The following BLK variants were observed in gnomAD, a reference collection of about 807,000 sequenced individuals.
BLK encodes tyrosine-protein kinase Blk.
In BLK, 64 loss-of-function variants were observed where a neutral mutation model predicts 61.8. The ratio of observed to expected loss-of-function variants is 1.03; its 90% CI spans 0.85 to 1.27. The LOEUF is 1.27. Ranked by LOEUF, BLK falls within the 50% of genes most tolerant of loss-of-function variation. BLK has a pLI of 0.00. For synonymous variants in BLK, 351 were observed against 272.0 expected (o/e 1.29, Z -2.86); for missense variants, 853 against 660.5 (o/e 1.29, Z -3.19).
At chr8:11,508,137 A>G (rs528488044) in intron 1 of BLK, among the ~76,000 whole-genome samples, 105 of 152,334 alleles carry the variant, frequency 6.9e-4, no homozygotes, top group African/African-American at 2.3e-3. Context: ...GTGCAGGCTC[A>G]GGACTGTTTG....
At chr8:11,550,741 G>T (rs1800862901) in intron 6 of BLK, among the ~76,000 whole-genome samples, 1 of 152,260 alleles carries the variant, frequency 6.6e-6, no homozygotes, top group Admixed American at 6.5e-5. Flanking sequence ...TGCCAGTCTA[G>T]ACACTCATGA....
intron 1 of BLK, among the ~76,000 whole-genome samples, chr8:11,496,259 A>G (rs1205948690): frequency 1.3e-5 from 2 of 152,026 alleles, no homozygotes; most frequent in Non-Finnish European, 2.9e-5. Context: ...TTTTTCAGAG[A>G]TGGGGTCTTG....
At chr8:11,524,197 T>A (rs981687724) in intron 1 of BLK, among the ~76,000 whole-genome samples, 1 of 152,238 alleles carries the variant, frequency 6.6e-6, no homozygotes, top group African/African-American at 2.4e-5. Flanking sequence ...TATTTATATA[T>A]AATTTATACT....
chr8:11,523,410 G>A (rs866760818), intron 1 of BLK, among the ~76,000 whole-genome samples: 2 of 151,960 alleles, frequency 1.3e-5, no homozygotes, highest in Admixed American at 6.5e-5. Context: ...AAAAATTAGC[G>A]AGCATGGTGG....
chr8:11,539,425 T>C (rs1220046269), intron 1 of BLK, among the ~76,000 whole-genome samples: 1 of 152,190 alleles, frequency 6.6e-6, no homozygotes, highest in East Asian at 1.9e-4. Context: ...GCAGTTACAT[T>C]GTTGTTTTCT....
chr8:11,495,809 T>C (rs1002721231), intron 1 of BLK, among the ~76,000 whole-genome samples: 5 of 152,184 alleles, frequency 3.3e-5, no homozygotes, highest in Non-Finnish European at 5.9e-5. Context: ...CTCGCTAATA[T>C]TGTGGTAACA....
chr8:11,496,612 C>T (rs931143226), intron 1 of BLK, among the ~76,000 whole-genome samples: 2 of 152,180 alleles, frequency 1.3e-5, no homozygotes, highest in Admixed American at 6.5e-5. Context: ...ATCTGCCCAG[C>T]GAAGCTCACT....
intron 1 of BLK, among the ~76,000 whole-genome samples, chr8:11,533,873 G>A (rs1800002791): frequency 6.6e-6 from 1 of 152,232 alleles, no homozygotes. Flanking sequence ...TCATTTCATG[G>A]AGAGACAAGA....
chr8:11,511,664 A>T (rs1320356537), intron 1 of BLK, among the ~76,000 whole-genome samples: 2 of 152,148 alleles, frequency 1.3e-5, no homozygotes, highest in African/African-American at 4.8e-5. Flanking sequence ...TATTGTTGAA[A>T]ACTAGCAGTC....
chr8:11,556,838 GT>G lies in BLK; in HGVS notation c.952+2del. 6.2e-7 allele frequency: 1 copy of G among 1,613,868 alleles called. No individual in the cohort carries two copies. Among genetic ancestry groups the G allele is most frequent in the Middle Eastern group, 1.7e-4 (1 of 6,038 alleles). On this transcript the variant is annotated splice_donor_variant, in intron 9 of 12. Transcript: ENST00000259089. LOFTEE classifies it high-confidence loss of function. The stretch of plus-strand genomic sequence containing the variant: ...ATTGTCACCGAGTACATGGCCAGAG[GT>G]GGTGCCCCCCGCAGAGCCGCATCCT...
At chr8:11,543,194 T>A in intron 1 of BLK, 30 bp from the exon 2 acceptor site, 1 of 1,613,270 alleles carries the variant, frequency 6.2e-7, no homozygotes, top group East Asian at 2.2e-5. Context: ...CGCTCTCTCA[T>A]GTCCTCTGTC....
In BLK at chr8:11,564,039, C is replaced by A; in HGVS notation, c.1449C>A (p.Phe483Leu). The change falls in exon 13 of 13, where the codon TTC (phenylalanine) becomes TTA (leucine). Residue 483 changes from phenylalanine (F) to leucine (L), a missense_variant. By Grantham distance (22) the Phe-to-Leu change is conservative. Coordinates refer to ENST00000259089, the MANE Select transcript of BLK (RefSeq NM_001715.3). ...GCCGGCCCGAGGAGCGGCCCACCTT[C>A]GAGTTCCTGCAGTCGGTGCTGGAGG... The part of the protein sequence containing the change: ...WRSRPEERPT[F>L]EFLQSVLEDF... 1 of 1,603,922 alleles carries A rather than the reference C, an allele frequency of 6.2e-7. No individual in the cohort carries two copies. Among genetic ancestry groups the A allele is most frequent in the African/African-American group, 1.3e-5 (1 of 75,010 alleles).
intron 1 of BLK, among the ~76,000 whole-genome samples, chr8:11,535,677 G>T (rs1035353427): frequency 6.6e-6 from 1 of 152,142 alleles, no homozygotes; most frequent in African/African-American, 2.4e-5. Context: ...GGAGGAATAG[G>T]GATGCCTGAG....
intron 2 of BLK, 23 bp from the exon 3 acceptor site, chr8:11,546,029 C>G (rs774986468): frequency 6.2e-7 from 1 of 1,613,640 alleles, no homozygotes; most frequent in Non-Finnish European, 8.5e-7. Flanking sequence ...TGAAATAACT[C>G]AAGTGTGTGT....
chr8:11,514,719 T>C (rs1799155797), intron 1 of BLK, among the ~76,000 whole-genome samples: 1 of 152,210 alleles, frequency 6.6e-6, no homozygotes, highest in Non-Finnish European at 1.5e-5. Context: ...GATATACCTA[T>C]GCAGCAGGGC....
chr8:11,563,179 G>C lies in BLK; in HGVS notation c.1312+69G>C, dbSNP rs540711501. On this transcript the variant is annotated intron_variant, in intron 12 of 12. Coordinates refer to ENST00000259089, the MANE Select transcript of BLK (RefSeq NM_001715.3). ...CCGGCCCTGATGGCAGGTCGCCTGT[G>C]CTTGGTGCCTGTGGCTGCCCTGTTC... 1.3e-5 allele frequency: 21 copies of C among 1,607,024 alleles called. No homozygotes were observed. In the East Asian group the frequency reaches 4.5e-4, roughly 34 times the overall value.
chr8:11,524,156 T>C (rs1799558686), intron 1 of BLK, among the ~76,000 whole-genome samples: 1 of 152,228 alleles, frequency 6.6e-6, no homozygotes, highest in African/African-American at 2.4e-5. Context: ...TACAATAGCA[T>C]GCAGTTATTC....
chr8:11,530,945 G>A lies in BLK; in HGVS notation c.-1-12279G>A, dbSNP rs536065532. Among the ~76,000 whole-genome samples, 7 of 152,220 alleles carry A rather than the reference G, an allele frequency of 4.6e-5. No homozygotes were observed. The South Asian group carries it at 8.3e-4, about 18-fold the overall frequency. On this transcript the variant is annotated intron_variant, in intron 1 of 12. Coordinates refer to ENST00000259089, the MANE Select transcript of BLK (RefSeq NM_001715.3). ...CCAAATTGTTTCCTAAAGTTGTTTC[G>A]TTTCACCTTACCATCAGCCTCAGGT...
rs142129056 is a variant in BLK at position 11,543,263 on chromosome 8, G to A, written c.39G>A (p.Lys13=). The A allele has an allele frequency of 3.7e-4, 603 of 1,614,026 alleles. 3 individuals carry two copies. In the African/African-American group the frequency reaches 7.5e-3, roughly 20 times the overall value. Reference sequence around the variant, plus strand: ...GTAGCAAAAAGCCGGACAAGGAAAAGCCGATCAAAGAGAAGGACAAGGGCC... The same window carrying A: ...GTAGCAAAAAGCCGGACAAGGAAAAACCGATCAAAGAGAAGGACAAGGGCC... ...LVSSKKPDKE[K]PIKEKDKGQW... The change falls in exon 2 of 13, where the codon AAG becomes AAA. Residue 13 remains lysine, a synonymous_variant. Transcript: ENST00000259089.
Sources: allele counts gnomAD v4.1 joint callset (sites outside exome capture counted in the v4.1 genomes callset), GRCh38; gene constraint gnomAD v4.1.1; transcripts MANE v1.5; gene names NCBI Gene and HGNC (gene_info 2026-07-23, HGNC 2026-07-21).